CDKAL1: variants seen among roughly 807,000 people sequenced by gnomAD.
The protein encoded by CDKAL1 is CDKAL1 threonylcarbamoyladenosine tRNA methylthiotransferase, also known as threonylcarbamoyladenosine tRNA methylthiotransferase.
Under a neutral mutation model 68.2 loss-of-function variants are expected in CDKAL1, and 32 were observed. That is an observed-to-expected ratio of 0.47 (90% CI 0.35 to 0.63). The LOEUF (loss-of-function observed/expected upper bound fraction) is 0.63, where lower values mean the gene tolerates loss of function less well. Among genes scored for constraint, CDKAL1 ranks in the 30% least tolerant of loss-of-function variants. The probability of loss-of-function intolerance (pLI) is 0.00; values close to 1 mark genes in which losing one functional copy is unlikely to be tolerated. For missense variants in CDKAL1, 606 were observed against 696.7 expected, an observed-to-expected ratio of 0.87 and a Z score of 1.47; for synonymous variants, 234 against 244.3, an observed-to-expected ratio of 0.96 and a Z score of 0.39.
intron 5 of CDKAL1, among the ~76,000 whole-genome samples, chr6:20,651,180 C>A (rs535620272): frequency 9.2e-5 from 14 of 152,188 alleles, no homozygotes; most frequent in African/African-American, 3.4e-4. Flanking sequence ...TTCTTCCTAT[C>A]CATGAGCATG....
intron 4 of CDKAL1, among the ~76,000 whole-genome samples, chr6:20,564,820 A>G (rs1222780251): frequency 6.6e-6 from 1 of 152,160 alleles, no homozygotes; most frequent in East Asian, 1.9e-4. Flanking sequence ...TTAGAAAGTT[A>G]TTTTATCTTA....
intron 5 of CDKAL1, among the ~76,000 whole-genome samples, chr6:20,720,959 G>A (rs1245965464): frequency 1.3e-5 from 2 of 152,156 alleles, no homozygotes; most frequent in African/African-American, 4.8e-5. Flanking sequence ...TTCTTTTTAT[G>A]TATTTATTTA....
chr6:20,689,925 T>C (rs1770796030), intron 5 of CDKAL1, among the ~76,000 whole-genome samples: 1 of 152,236 alleles, frequency 6.6e-6, no homozygotes, highest in Non-Finnish European at 1.5e-5. Context: ...AATAGCTAAC[T>C]TTTTGAAATT....
Position 20,868,775 on chromosome 6 carries a change from G to A in CDKAL1, c.742+22597G>A, listed in dbSNP as rs373903745. Among the ~76,000 whole-genome samples the A allele has an allele frequency of 1.1e-4, 17 of 152,254 alleles. No individual in the cohort carries two copies. In the South Asian group the frequency reaches 1.5e-3, roughly 13 times the overall value. ...GAGTGACAAATAATTTACCCTCTGCGGTTTTATCAGCATGGGCCGTGTGTT... is the reference window on the plus strand; with the variant it reads ...GAGTGACAAATAATTTACCCTCTGCAGTTTTATCAGCATGGGCCGTGTGTT... On this transcript the variant is annotated intron_variant, in intron 9 of 15. Transcript: ENST00000274695.
intron 12 of CDKAL1, among the ~76,000 whole-genome samples, chr6:21,078,145 A>G (rs1022695581): frequency 1.3e-5 from 2 of 152,204 alleles, no homozygotes; most frequent in Non-Finnish European, 2.9e-5. Flanking sequence ...GAACTATAAT[A>G]TAATAAATTT....
chr6:21,042,613 C>T (rs1287576809), intron 11 of CDKAL1, among the ~76,000 whole-genome samples: 1 of 152,182 alleles, frequency 6.6e-6, no homozygotes, highest in Non-Finnish European at 1.5e-5. Flanking sequence ...ATGATTACAC[C>T]TCTTCTTACA....
intron 5 of CDKAL1, among the ~76,000 whole-genome samples, chr6:20,691,486 A>G (rs1770867692): frequency 6.6e-6 from 1 of 152,050 alleles, no homozygotes; most frequent in Non-Finnish European, 1.5e-5. Flanking sequence ...TGTACACTTA[A>G]TTTAGTCTGT....
intron 4 of CDKAL1, among the ~76,000 whole-genome samples, chr6:20,600,280 G>A (rs1237451108): frequency 6.6e-6 from 1 of 151,998 alleles, no homozygotes; most frequent in Non-Finnish European, 1.5e-5. Context: ...AATTTATTGG[G>A]GTAGTGAGCT....
chr6:21,038,668 A>G (rs569051159), intron 11 of CDKAL1, among the ~76,000 whole-genome samples: 14 of 152,256 alleles, frequency 9.2e-5, no homozygotes, highest in Admixed American at 9.2e-4. Flanking sequence ...TTAAAATATT[A>G]TGAGTTTTTT....
At chr6:20,805,158 G>A (rs761811533) in intron 8 of CDKAL1, among the ~76,000 whole-genome samples, 2 of 152,206 alleles carry the variant, frequency 1.3e-5, no homozygotes, top group Non-Finnish European at 2.9e-5. Context: ...CTTCTCCTGA[G>A]AGGTAAAGCA....
Position 20,857,456 on chromosome 6 carries a change from C to A in CDKAL1, c.742+11278C>A, listed in dbSNP as rs185066852. Among the ~76,000 whole-genome samples the A allele has an allele frequency of 2.0e-5, 3 of 152,306 alleles. No homozygotes were observed. In the East Asian group the frequency reaches 5.8e-4, roughly 29 times the overall value. ...AGAGGAATGATGATGAGATAGTAATCATTTATAAAAGTAGATTTTAAACAC... is the reference window on the plus strand; with the variant it reads ...AGAGGAATGATGATGAGATAGTAATAATTTATAAAAGTAGATTTTAAACAC... On this transcript the variant is annotated intron_variant, in intron 9 of 15. Coordinates refer to ENST00000274695, the MANE Select transcript of CDKAL1 (RefSeq NM_017774.3).
At chr6:20,729,583 G>A (rs1289863234) in intron 5 of CDKAL1, among the ~76,000 whole-genome samples, 3 of 152,190 alleles carry the variant, frequency 2.0e-5, no homozygotes, top group Non-Finnish European at 4.4e-5. Context: ...TTACTGCGTG[G>A]CAGCACTTTT....
chr6:21,166,191 T>C (rs1159095892), intron 13 of CDKAL1, among the ~76,000 whole-genome samples: 2 of 152,194 alleles, frequency 1.3e-5, no homozygotes, highest in Admixed American at 1.3e-4. Flanking sequence ...GTCGTAGGGA[T>C]ACAGATGTGT....
chr6:20,801,486 A>G (rs1476158430), intron 8 of CDKAL1, among the ~76,000 whole-genome samples: 1 of 141,250 alleles, frequency 7.1e-6, no homozygotes, highest in African/African-American at 2.6e-5. Context: ...CTATTCATCC[A>G]TCAGTCCAAC....
At chr6:21,094,421 G>GA (rs890449119) in intron 12 of CDKAL1, among the ~76,000 whole-genome samples, 2 of 152,034 alleles carry the variant, frequency 1.3e-5, no homozygotes, top group African/African-American at 4.8e-5. Flanking sequence ...AACTGATTTT[G>GA]AAAAAACTGA....
chr6:21,057,877 C>T (rs1561995620), intron 11 of CDKAL1, among the ~76,000 whole-genome samples: 1 of 152,134 alleles, frequency 6.6e-6, no homozygotes, highest in African/African-American at 2.4e-5. Flanking sequence ...GTCTAAGAGA[C>T]TGTTTGTTAT....
chr6:21,196,423 CT>C (rs1002416994), intron 13 of CDKAL1, among the ~76,000 whole-genome samples: 3 of 152,120 alleles, frequency 2.0e-5, no homozygotes, highest in Non-Finnish European at 4.4e-5. Flanking sequence ...TTTTTTTACA[CT>C]TGATTTTTTT....
Position 21,231,244 on chromosome 6 carries a change from G to A in CDKAL1, c.*205G>A. ...TTATTTGACCTAAAACCTAATCACC[G>A]CTACCATAGCACATCCTTCAAATTA... On this transcript the variant is annotated 3_prime_UTR_variant, in exon 16 of 16. Transcript: ENST00000274695. 2 of 411,378 alleles carry A rather than the reference G, an allele frequency of 4.9e-6. No homozygotes were observed. The highest frequency in any genetic ancestry group is 8.6e-6 in the Non-Finnish European group (2 of 231,930). The allele number at this position is 411,378 out of a possible 1,614,324, so 25.5% of individuals were successfully genotyped here. A position where few individuals can be genotyped will look rare whatever the true frequency, so the allele number is the denominator to read the frequency against.
chr6:20,603,499 G>C (rs1190486969), intron 4 of CDKAL1, among the ~76,000 whole-genome samples: 1 of 152,100 alleles, frequency 6.6e-6, no homozygotes, highest in Non-Finnish European at 1.5e-5. Context: ...CCATGTGTAT[G>C]GTCTCCTGGG....
Sources: gnomAD v4.1 joint callset for allele counts (sites outside exome capture counted in the v4.1 genomes callset) on GRCh38, gnomAD v4.1.1 for gene constraint, MANE v1.5 for transcripts, NCBI Gene and HGNC (gene_info 2026-07-23, HGNC 2026-07-21) for gene names.